The following ATF1 variants were observed in gnomAD, a reference collection of about 807,000 sequenced individuals.
The protein encoded by ATF1 is activating transcription factor 1, also known as cyclic AMP-dependent transcription factor ATF-1.
A neutral mutation model predicts 34.7 loss-of-function variants in ATF1; 16 were observed. The observed-to-expected ratio is 0.46, with a 90% CI of 0.31 to 0.70. The LOEUF is 0.70. Ranked by LOEUF, ATF1 falls within the 30% of genes least tolerant of loss-of-function variation. The pLI, the probability that ATF1 is intolerant of heterozygous loss-of-function variation, is 0.05. For synonymous variants in ATF1, 105 were observed against 113.1 expected (o/e 0.93, Z 0.46); for missense variants, 255 against 321.6 (o/e 0.79, Z 1.58).
intron 1 of ATF1, among the ~76,000 whole-genome samples, chr12:50,774,773 A>T (rs1592168211): frequency 6.9e-6 from 1 of 145,562 alleles, no homozygotes; most frequent in Non-Finnish European, 1.5e-5. Flanking sequence ...TTTGAGACGG[A>T]GTCTCACTCT....
chr12:50,802,871 CAAAAAAAAAA>C (rs71443203), intron 3 of ATF1, among the ~76,000 whole-genome samples: 9 of 46,912 alleles, frequency 1.9e-4, no homozygotes, highest in East Asian at 8.8e-4. Context: ...GACTCCATCT[CAAAAAAAAAA>C]AAAAAAAAAA....
At chr12:50,816,326 A>T (rs1245828322) in intron 6 of ATF1, among the ~76,000 whole-genome samples, 2 of 151,988 alleles carry the variant, frequency 1.3e-5, no homozygotes, top group Non-Finnish European at 2.9e-5. Flanking sequence ...CTCAAGAAAA[A>T]AGAGAGAATG....
intron 3 of ATF1, among the ~76,000 whole-genome samples, chr12:50,806,180 G>A (rs2139684178): frequency 6.6e-6 from 1 of 151,604 alleles, no homozygotes; most frequent in East Asian, 1.9e-4. Context: ...AAAAATAATT[G>A]CTAGTAGATG....
At chr12:50,806,091 C>T (rs1370912419) in intron 3 of ATF1, among the ~76,000 whole-genome samples, 1 of 149,992 alleles carries the variant, frequency 6.7e-6, no homozygotes, top group Non-Finnish European at 1.5e-5. Flanking sequence ...GCAGAGGTTG[C>T]ATTGAGCCGA....
At chr12:50,776,437 G>A (rs1271800250) in intron 1 of ATF1, among the ~76,000 whole-genome samples, 1 of 147,856 alleles carries the variant, frequency 6.8e-6, no homozygotes, top group Non-Finnish European at 1.5e-5. Flanking sequence ...AGACTGCAGT[G>A]AGCTGTGATC....
intron 1 of ATF1, among the ~76,000 whole-genome samples, chr12:50,766,642 G>C (rs969169405): frequency 1.3e-5 from 2 of 151,316 alleles, no homozygotes; most frequent in Non-Finnish European, 2.9e-5. Context: ...ATCTCCCAAT[G>C]CTATCCCTCC....
chr12:50,814,310 T>A lies in ATF1; in HGVS notation c.542T>A (p.Ile181Asn). Residue 181 changes from isoleucine to asparagine, a missense_variant, in exon 6 of 7, where the codon ATC (isoleucine) becomes AAC (asparagine). Physicochemically the swap from Ile to Asn is moderately radical, Grantham distance 149 (BLOSUM62 -3). This residue lies in a region of ATF1 where 221 missense variants were observed against 250.7 expected (regional missense o/e 0.88). Coordinates refer to ENST00000262053, the MANE Select transcript of ATF1 (RefSeq NM_005171.5). ...TASGDMQTYQ[I>N]RTTPSATSLP... is the part of the protein sequence containing the mutation. ...TCAGGAGATATGCAAACATATCAGA[T>A]CCGAACTACACCTTCAGCTACTTCT... 7 of 1,614,198 alleles carry A rather than the reference T, an allele frequency of 4.3e-6. No homozygotes were observed. Among genetic ancestry groups the A allele is most frequent in the Non-Finnish European group, 5.9e-6 (7 of 1,180,032 alleles).
At chr12:50,817,359 T>G (rs962764625) in intron 6 of ATF1, among the ~76,000 whole-genome samples, 1 of 152,188 alleles carries the variant, frequency 6.6e-6, no homozygotes, top group African/African-American at 2.4e-5. Context: ...GAATGAATAA[T>G]CATTTCAACA....
rs1172792697 is a variant in ATF1 at position 50,809,505 on chromosome 12, G to A, written c.244G>A (p.Asp82Asn). Residue 82 changes from aspartate to asparagine, a missense_variant, in exon 4 of 7, where the codon GAC (aspartate) becomes AAC (asparagine). Asp to Asn is a conservative substitution (Grantham distance 23, BLOSUM62 1). Coordinates refer to ENST00000262053, the MANE Select transcript of ATF1 (RefSeq NM_005171.5). ...SSEDTRGRKG[D>N]GENSGVSAAV... ...TGAAGATACACGGGGCAGAAAAGGAGACGGAGAAAATTCTGGAGTTTCTGC... is the reference window on the plus strand; with the variant it reads ...TGAAGATACACGGGGCAGAAAAGGAAACGGAGAAAATTCTGGAGTTTCTGC... The A allele has an allele frequency of 9.3e-6, 15 of 1,613,396 alleles. No individual in the cohort carries two copies. The highest frequency in any genetic ancestry group is 1.2e-5 in the Non-Finnish European group (14 of 1,179,750).
chr12:50,782,286 C>T (rs975799759), intron 2 of ATF1, among the ~76,000 whole-genome samples: 8 of 152,006 alleles, frequency 5.3e-5, no homozygotes, highest in South Asian at 2.1e-4. Flanking sequence ...GACAGTGTCT[C>T]GCTCTGTCGC....
rs771239008 is a variant in ATF1, at chr12:50,795,897, G to T, written c.94-12G>T. 1 of 1,600,758 alleles carries T rather than the reference G, an allele frequency of 6.2e-7. No homozygotes were observed. The highest frequency in any genetic ancestry group is 8.5e-7 in the Non-Finnish European group (1 of 1,169,912). On this transcript the variant is annotated splice_polypyrimidine_tract_variant and intron_variant, in intron 2 of 6. Transcript: ENST00000262053. ...TGCATTGTTCATCATGTTAATGCCA[G>T]TTCTTTTTTAGGTATCATCTTTATC...
At chr12:50,786,137 G>C (rs1941181318) in intron 2 of ATF1, among the ~76,000 whole-genome samples, 1 of 152,136 alleles carries the variant, frequency 6.6e-6, no homozygotes, top group Admixed American at 6.5e-5. Context: ...GTCCAGGAGA[G>C]AGGTCCAGAC....
chr12:50,781,477 G>T (rs964185190), intron 2 of ATF1, among the ~76,000 whole-genome samples: 10 of 152,042 alleles, frequency 6.6e-5, no homozygotes, highest in Non-Finnish European at 2.9e-5. Flanking sequence ...TCAAGGCAGG[G>T]TTTCGCTCTG....
intron 1 of ATF1, among the ~76,000 whole-genome samples, chr12:50,774,486 ATC>A (rs1384305547): frequency 2.0e-5 from 3 of 152,132 alleles, no homozygotes; most frequent in African/African-American, 7.2e-5. Context: ...ACTTTGGGTT[ATC>A]TCCTGTTAAG....
intron 3 of ATF1, among the ~76,000 whole-genome samples, chr12:50,804,401 A>G (rs1047869119): frequency 6.6e-6 from 1 of 152,172 alleles, no homozygotes; most frequent in African/African-American, 2.4e-5. Context: ...AAAAACTAGT[A>G]GGGCAGAGCC....
chr12:50,784,327 A>T (rs1452348911), intron 2 of ATF1, among the ~76,000 whole-genome samples: 2 of 152,212 alleles, frequency 1.3e-5, no homozygotes, highest in East Asian at 3.8e-4. Flanking sequence ...TGCCATGGAG[A>T]CAAATAAAGC....
chr12:50,780,361 C>A, intron 2 of ATF1, 123 bp downstream of exon 2: 1 of 829,360 alleles, frequency 1.2e-6, no homozygotes. Context: ...TTTTTTTTTT[C>A]GAGGCAGATT....
At position 50,809,507 on chromosome 12, in the gene ATF1, C is replaced by T. The variant is rs549207784; in HGVS notation, c.246C>T (p.Asp82=). ...AAGATACACGGGGCAGAAAAGGAGA[C>T]GGAGAAAATTCTGGAGTTTCTGCTG... ...SSEDTRGRKG[D]GENSGVSAAV... is the part of the protein sequence containing the mutation. The change falls in exon 4 of 7, where the codon GAC becomes GAT. Residue 82 remains aspartate, a synonymous_variant. Transcript: ENST00000262053. The T allele has an allele frequency of 2.7e-5, 43 of 1,613,136 alleles. No homozygotes were observed. The highest frequency in any genetic ancestry group is 2.6e-4 in the South Asian group (24 of 91,056).
In ATF1 at chr12:50,821,114, T is replaced by TTGA. The variant is rs1941940816; in HGVS notation, c.*1337_*1339dup. ...TGTTGTCTGTGAAATTAAAGGACAT[T>TTGA]TGATAGTCTACTGAATGTAAAATAT... On this transcript the variant is annotated 3_prime_UTR_variant, in exon 7 of 7. Coordinates refer to ENST00000262053, the MANE Select transcript of ATF1 (RefSeq NM_005171.5). The TTGA allele has an allele frequency of 5.6e-6, 1 of 177,418 alleles. No homozygotes were observed. The highest frequency in any genetic ancestry group is 2.4e-5 in the African/African-American group (1 of 42,278). The allele number at this position is 177,418 out of a possible 1,614,324, so 11.0% of individuals were successfully genotyped here.
Sources: gnomAD v4.1 joint callset for allele counts (sites outside exome capture counted in the v4.1 genomes callset) on GRCh38, gnomAD v4.1.1 for gene constraint, gnomAD v4.1.1 regional missense constraint, MANE v1.5 for transcripts, NCBI Gene and HGNC (gene_info 2026-07-23, HGNC 2026-07-21) for gene names.